Variants in FLRT2 observed in about 807,000 individuals in gnomAD.
The protein encoded by FLRT2 is fibronectin leucine rich transmembrane protein 2.
A neutral mutation model predicts 40.0 loss-of-function variants in FLRT2; 15 were observed. The ratio of observed to expected loss-of-function variants is 0.38; its 90% CI spans 0.25 to 0.58. The LOEUF is 0.58. FLRT2 is among the 20% of genes least tolerant of loss of function. The pLI is 0.71. For synonymous variants in FLRT2, 380 were observed against 336.8 expected (o/e 1.13, Z -1.41); for missense variants, 726 against 840.0 (o/e 0.86, Z 1.68).
At chr14:85,606,672 G>A (rs928157399) in intron 1 of FLRT2, among the ~76,000 whole-genome samples, 1 of 150,870 alleles carries the variant, frequency 6.6e-6, no homozygotes, top group African/African-American at 2.4e-5. Context: ...TTACAGGCAC[G>A]CACCACCACG....
At chr14:85,584,348 TA>T (rs1299902494) in intron 1 of FLRT2, among the ~76,000 whole-genome samples, 6 of 152,272 alleles carry the variant, frequency 3.9e-5, no homozygotes, top group African/African-American at 1.4e-4. Flanking sequence ...GAAATCATAT[TA>T]AAAAATGCTG....
chr14:85,583,214 A>G (rs1891468848), intron 1 of FLRT2, among the ~76,000 whole-genome samples: 1 of 152,202 alleles, frequency 6.6e-6, no homozygotes, highest in African/African-American at 2.4e-5. Flanking sequence ...CAGGAAATAC[A>G]AGGGAGATTT....
chr14:85,554,773 C>T (rs138710080), intron 1 of FLRT2, among the ~76,000 whole-genome samples: 1 of 152,240 alleles, frequency 6.6e-6, no homozygotes, highest in East Asian at 1.9e-4. Context: ...GAGAGTTGTG[C>T]TATGAATTTC....
chr14:85,560,420 CA>C (rs1238716432), intron 1 of FLRT2, among the ~76,000 whole-genome samples: 1 of 151,776 alleles, frequency 6.6e-6, no homozygotes, highest in Admixed American at 6.6e-5. Flanking sequence ...ACTAAAAATA[CA>C]AAAATTATCA....
chr14:85,621,029 C>G (rs1225018618), intron 1 of FLRT2, 110 bp from the exon 2 acceptor site: 1 of 158,056 alleles, frequency 6.3e-6, no homozygotes, highest in Non-Finnish European at 1.4e-5. Flanking sequence ...GCCCTGGCCC[C>G]TCAACATTTC....
intron 1 of FLRT2, among the ~76,000 whole-genome samples, chr14:85,612,583 A>C (rs1313465738): frequency 6.6e-6 from 1 of 152,126 alleles, no homozygotes; most frequent in Non-Finnish European, 1.5e-5. Context: ...AAAGAAGGAG[A>C]GGGTCAAGGA....
chr14:85,539,290 G>C (rs1237029425), intron 1 of FLRT2, among the ~76,000 whole-genome samples: 1 of 151,982 alleles, frequency 6.6e-6, no homozygotes, highest in East Asian at 1.9e-4. Context: ...TTATCATACA[G>C]ATGTAGAATT....
rs368646162 is a variant in FLRT2, at chr14:85,635,049, C to A, written c.*11552C>A. 59 of 152,248 alleles carry A rather than the reference C, an allele frequency of 3.9e-4. No homozygotes were observed. Among genetic ancestry groups the A allele is most frequent in the African/African-American group, 1.4e-3 (57 of 41,564 alleles). The allele number at this position is 152,248 out of a possible 1,614,324, so 9.4% of individuals were successfully genotyped here. A position where few individuals can be genotyped will look rare whatever the true frequency, so the allele number is the denominator to read the frequency against. ...AGGATAGATAAAGCAAACATATAAACACTCAGTTTCATTGACTTAAGTATA... is the reference window on the plus strand; with the variant it reads ...AGGATAGATAAAGCAAACATATAAAAACTCAGTTTCATTGACTTAAGTATA... On this transcript the variant is annotated 3_prime_UTR_variant, in exon 2 of 2. Coordinates refer to ENST00000330753, the MANE Select transcript of FLRT2 (RefSeq NM_013231.6).
At chr14:85,607,256 C>A (rs1046652283) in intron 1 of FLRT2, among the ~76,000 whole-genome samples, 1 of 152,102 alleles carries the variant, frequency 6.6e-6, no homozygotes, top group South Asian at 2.1e-4. Context: ...GTCATGCTCC[C>A]TCCTCTCCTG....
intron 1 of FLRT2, among the ~76,000 whole-genome samples, chr14:85,611,098 G>A (rs1226142628): frequency 6.6e-6 from 1 of 152,154 alleles, no homozygotes; most frequent in African/African-American, 2.4e-5. Flanking sequence ...GTTTCACCAT[G>A]TTGGCCAGGC....
chr14:85,654,279 T>C lies in FLRT2; in HGVS notation c.*30782T>C, dbSNP rs767487353. On this transcript the variant is annotated 3_prime_UTR_variant, in exon 2 of 2. Coordinates refer to ENST00000330753, the MANE Select transcript of FLRT2 (RefSeq NM_013231.6). ...AATAACTTTGTCTATGTAATTGTAG[T>C]GTATACTTATTATTGACAACTTGAA... 2.0e-5 allele frequency: 3 copies of C among 152,180 alleles called. No homozygotes were observed. Among genetic ancestry groups the C allele is most frequent in the Non-Finnish European group, 4.4e-5 (3 of 68,024 alleles). The allele number at this position is 152,180 out of a possible 1,614,324, so 9.4% of individuals were successfully genotyped here.
chr14:85,636,400 A>AAAAAC lies in FLRT2; in HGVS notation c.*12907_*12908insCAAAA, dbSNP rs1555373238. On this transcript the variant is annotated 3_prime_UTR_variant, in exon 2 of 2. Transcript: ENST00000330753. ...GTGAAGTCACCTGCAGAAAAAAAAA[A>AAAAAC]AAAAAAAACAAAAAACATTCTTATT... 6.9e-6 allele frequency: 1 copy of AAAAAC among 145,508 alleles called. No individual in the cohort carries two copies. Among genetic ancestry groups the AAAAAC allele is most frequent in the African/African-American group, 2.5e-5 (1 of 40,108 alleles). 9.0% of individuals were successfully genotyped at this position (145,508 alleles called of 1,614,324 possible).
At position 85,640,848 on chromosome 14, in the gene FLRT2, G is replaced by A. The variant is rs913761055; in HGVS notation, c.*17351G>A. 7 of 152,136 alleles carry A rather than the reference G, an allele frequency of 4.6e-5. No homozygotes were observed. The highest frequency in any genetic ancestry group is 1.7e-4 in the African/African-American group (7 of 41,430). 9.4% of individuals were successfully genotyped at this position (152,136 alleles called of 1,614,324 possible). The stretch of plus-strand genomic sequence containing the variant: ...TGTACACAAACGTTTCTAAAATACA[G>A]ATCCTACCTTAGGCTTTTCGGCTGC... On this transcript the variant is annotated 3_prime_UTR_variant, in exon 2 of 2. Coordinates refer to ENST00000330753, the MANE Select transcript of FLRT2 (RefSeq NM_013231.6).
chr14:85,554,270 A>T (rs10483978), intron 1 of FLRT2, among the ~76,000 whole-genome samples: 30,841 of 152,162 alleles, frequency 0.2, 3,703 homozygotes, highest in Non-Finnish European at 0.25. Flanking sequence ...AAGGTATTTA[A>T]CAAAGTCATG....
In FLRT2 at chr14:85,622,990, T is replaced by C. The variant is rs1322991021; in HGVS notation, c.1476T>C (p.Cys492=). The C allele has an allele frequency of 6.2e-7, 1 of 1,614,040 alleles. No homozygotes were observed. The highest frequency in any genetic ancestry group is 8.5e-7 in the Non-Finnish European group (1 of 1,180,022). ...NLEPRSTYRI[C]LVPLDAFNYR... ...AGCCCCGATCCACCTATCGGATTTG[T>C]TTAGTGCCACTGGATGCTTTTAACT... The change falls in exon 2 of 2, where the codon TGT becomes TGC. Residue 492 remains cysteine (C), a synonymous_variant. Transcript: ENST00000330753.
chr14:85,532,629 G>A (rs527829136), intron 1 of FLRT2, among the ~76,000 whole-genome samples: 111 of 152,270 alleles, frequency 7.3e-4, no homozygotes, highest in African/African-American at 2.6e-3. Flanking sequence ...AAGCAGCCAG[G>A]TTGAAGGAAG....
intron 1 of FLRT2, among the ~76,000 whole-genome samples, chr14:85,548,830 G>A (rs753183919): frequency 2.6e-5 from 4 of 152,136 alleles, no homozygotes; most frequent in Admixed American, 6.5e-5. Flanking sequence ...TTCCCCACCC[G>A]AATGTTGCCT....
In FLRT2 at chr14:85,643,121, T is replaced by A. The variant is rs577730807; in HGVS notation, c.*19624T>A. 6.6e-6 allele frequency: 1 copy of A among 152,240 alleles called. No homozygotes were observed. Among genetic ancestry groups the A allele is most frequent in the Non-Finnish European group, 1.5e-5 (1 of 68,054 alleles). 9.4% of individuals were successfully genotyped at this position (152,240 alleles called of 1,614,324 possible). ...ATGGATTAATTGCCTCCCAAAGGCC[T>A]CATCTTCAAACACTATTCCACTCGG... is the stretch of plus-strand genomic sequence containing the variant. On this transcript the variant is annotated 3_prime_UTR_variant, in exon 2 of 2. Transcript: ENST00000330753.
chr14:85,564,653 C>G (rs375615789), intron 1 of FLRT2, among the ~76,000 whole-genome samples: 1 of 152,126 alleles, frequency 6.6e-6, no homozygotes, highest in East Asian at 1.9e-4. Context: ...TCATGCACAC[C>G]GTTTTCTGTG....
Sources: allele counts gnomAD v4.1 joint callset (sites outside exome capture counted in the v4.1 genomes callset), GRCh38; gene constraint gnomAD v4.1.1; transcripts MANE v1.5; gene names NCBI Gene and HGNC (gene_info 2026-07-23, HGNC 2026-07-21).